Variants in GRIP1 observed in about 807,000 individuals in gnomAD.
GRIP1 encodes glutamate receptor-interacting protein 1.
A neutral mutation model predicts 129.9 loss-of-function variants in GRIP1; 45 were observed. The ratio of observed to expected loss-of-function variants is 0.35; its 90% CI spans 0.27 to 0.44. The LOEUF (loss-of-function observed/expected upper bound fraction) is 0.44, where lower values mean the gene tolerates loss of function less well. GRIP1 is among the 20% of genes least tolerant of loss of function. The pLI is 1.00. For synonymous variants in GRIP1, 530 were observed against 520.8 expected, an observed-to-expected ratio of 1.02 and a Z score of -0.24; for missense variants, 1,196 against 1,396.8, an observed-to-expected ratio of 0.86 and a Z score of 2.29.
At chr12:66,547,988 A>T (rs968422528) in intron 2 of GRIP1, among the ~76,000 whole-genome samples, 2 of 152,138 alleles carry the variant, frequency 1.3e-5, no homozygotes, top group Non-Finnish European at 2.9e-5. Flanking sequence ...CAAAATTAGG[A>T]GTTTAATTTT....
chr12:66,429,457 G>A (rs2058082144), intron 14 of GRIP1, among the ~76,000 whole-genome samples: 1 of 152,160 alleles, frequency 6.6e-6, no homozygotes, highest in Non-Finnish European at 1.5e-5. Flanking sequence ...AACACTTTAA[G>A]AGGCTGAGGC....
rs148964840 is a variant in GRIP1, at chr12:66,938,949, T to C, written c.58+130101A>G. On this transcript the variant is annotated intron_variant, in intron 1 of 1. Coordinates refer to the GRIP1 transcript ENST00000643019. ...TCCCACCTGGGCAATAGAGCAAGAC[T>C]GTCTCAAAAGAAAAAAAAAAGAGAG... Among the ~76,000 whole-genome samples the C allele has an allele frequency of 1.3e-4, 20 of 151,664 alleles. No homozygotes were observed. The East Asian group carries it at 3.9e-3, about 29-fold the overall frequency.
chr12:66,584,660 C>A (rs73323178), intron 2 of GRIP1, among the ~76,000 whole-genome samples: 37,375 of 151,906 alleles, frequency 0.25, 4,733 homozygotes, highest in Admixed American at 0.28. Context: ...TGTCACGGGC[C>A]TCAGCATTAG....
intron 1 of GRIP1, among the ~76,000 whole-genome samples, chr12:66,677,623 T>C (rs2034398724): frequency 6.6e-6 from 1 of 152,180 alleles, no homozygotes; most frequent in African/African-American, 2.4e-5. Context: ...TAATCTTCCC[T>C]ACATTTCCCC....
intron 1 of GRIP1, among the ~76,000 whole-genome samples, chr12:66,964,777 T>C (rs1268219109): frequency 6.6e-6 from 1 of 152,066 alleles, no homozygotes; most frequent in Non-Finnish European, 1.5e-5. Flanking sequence ...CCACAGAAAT[T>C]TATTTTCTCA....
chr12:67,038,207 G>A (rs1394786257), intron 1 of GRIP1, among the ~76,000 whole-genome samples: 1 of 152,194 alleles, frequency 6.6e-6, no homozygotes, highest in Non-Finnish European at 1.5e-5. Context: ...AATGGAGAAA[G>A]GGAAGAAATT....
At chr12:66,854,629 C>T (rs12322170) in intron 1 of GRIP1, among the ~76,000 whole-genome samples, 23,568 of 151,852 alleles carry the variant, frequency 0.16, 1,995 homozygotes, top group East Asian at 0.37. Flanking sequence ...TTAAGTGATT[C>T]AGCAAGATTA....
intron 1 of GRIP1, among the ~76,000 whole-genome samples, chr12:66,776,517 A>C (rs1190067198): frequency 6.6e-6 from 1 of 152,234 alleles, no homozygotes; most frequent in Non-Finnish European, 1.5e-5. Flanking sequence ...AATTAAGCAA[A>C]GTTCTAGTCA....
intron 1 of GRIP1, among the ~76,000 whole-genome samples, chr12:66,824,267 C>T (rs956117552): frequency 6.6e-6 from 1 of 152,076 alleles, no homozygotes; most frequent in Non-Finnish European, 1.5e-5. Flanking sequence ...TGCAAAGAAG[C>T]AGTAGTTACT....
At chr12:66,391,867 G>C (rs1032365543) in intron 19 of GRIP1, among the ~76,000 whole-genome samples, 17 of 151,934 alleles carry the variant, frequency 1.1e-4, no homozygotes, top group African/African-American at 4.1e-4. Flanking sequence ...AAAAAAAAAA[G>C]TCAGGAGTGT....
chr12:66,523,694 T>C (rs2061110392), intron 5 of GRIP1, among the ~76,000 whole-genome samples: 1 of 151,996 alleles, frequency 6.6e-6, no homozygotes, highest in Non-Finnish European at 1.5e-5. Flanking sequence ...ACTTTAAATG[T>C]AAATGGGCTA....
At chr12:66,907,125 T>C (rs2137295264) in intron 1 of GRIP1, among the ~76,000 whole-genome samples, 1 of 152,340 alleles carries the variant, frequency 6.6e-6, no homozygotes, top group South Asian at 2.1e-4. Context: ...TCCTCAGTCT[T>C]TTCTTGTCTT....
intron 1 of GRIP1, among the ~76,000 whole-genome samples, chr12:66,791,694 A>G (rs2136861087): frequency 6.6e-6 from 1 of 152,276 alleles, no homozygotes; most frequent in Admixed American, 6.5e-5. Context: ...TTAGATATGT[A>G]TTATTTCAGC....
chr12:66,919,609 G>A (rs2041181339), intron 1 of GRIP1, among the ~76,000 whole-genome samples: 1 of 152,100 alleles, frequency 6.6e-6, no homozygotes, highest in Non-Finnish European at 1.5e-5. Flanking sequence ...TGACATAAAG[G>A]GAGGCACCTC....
chr12:66,758,405 C>T (rs578215715), intron 1 of GRIP1, among the ~76,000 whole-genome samples: 28 of 151,790 alleles, frequency 1.8e-4, no homozygotes, highest in Admixed American at 5.3e-4. Flanking sequence ...CTTCCTACAA[C>T]ACATGGGAAT....
intron 1 of GRIP1, among the ~76,000 whole-genome samples, chr12:66,839,204 C>G (rs1035770339): frequency 4.6e-5 from 7 of 152,024 alleles, no homozygotes; most frequent in African/African-American, 1.7e-4. Context: ...AGAAAAACAT[C>G]CTACCATTTG....
intron 1 of GRIP1, among the ~76,000 whole-genome samples, chr12:66,692,656 T>C (rs1180570968): frequency 2.6e-5 from 4 of 152,154 alleles, no homozygotes; most frequent in Non-Finnish European, 2.9e-5. Flanking sequence ...AAGTGCCACA[T>C]TGTCATGGCA....
chr12:67,048,166 T>G (rs961702849), intron 1 of GRIP1, among the ~76,000 whole-genome samples: 2 of 150,256 alleles, frequency 1.3e-5, no homozygotes, highest in African/African-American at 4.9e-5. Context: ...AAAAAAAAGG[T>G]ATTCCTGTTA....
intron 1 of GRIP1, among the ~76,000 whole-genome samples, chr12:66,927,037 T>C (rs999226239): frequency 2.0e-5 from 3 of 152,212 alleles, no homozygotes; most frequent in Non-Finnish European, 4.4e-5. Flanking sequence ...TGAAAGGGCT[T>C]CTACGACATA....
Sources: gnomAD v4.1 joint callset for allele counts (sites outside exome capture counted in the v4.1 genomes callset) on GRCh38, gnomAD v4.1.1 for gene constraint, MANE v1.5 for transcripts, NCBI Gene and HGNC (gene_info 2026-07-23, HGNC 2026-07-21) for gene names.